The following KCNQ5 variants were observed in gnomAD, a reference collection of about 807,000 sequenced individuals.
KCNQ5 encodes potassium voltage-gated channel subfamily Q member 5.
Under a neutral mutation model 98.2 loss-of-function variants are expected in KCNQ5, and 30 were observed. The ratio of observed to expected loss-of-function variants is 0.31; its 90% CI spans 0.23 to 0.41. The LOEUF (loss-of-function observed/expected upper bound fraction) is 0.41, where lower values mean the gene tolerates loss of function less well. KCNQ5 is among the 10% of genes least tolerant of loss of function. KCNQ5 has a pLI of 1.00. For missense variants in KCNQ5, 835 were observed against 1,182.5 expected (o/e 0.71, Z 4.31); for synonymous variants, 458 against 449.4 (o/e 1.02, Z -0.24).
intron 1 of KCNQ5, among the ~76,000 whole-genome samples, chr6:72,964,601 T>A (rs774515400): frequency 6.6e-6 from 1 of 152,176 alleles, no homozygotes; most frequent in Non-Finnish European, 1.5e-5. Flanking sequence ...AGCAATACCA[T>A]TCTTTGCTTT....
chr6:72,635,747 T>C lies in KCNQ5; in HGVS notation c.398+13160T>C, dbSNP rs2098923737. On this transcript the variant is annotated intron_variant, in intron 1 of 13. Coordinates refer to ENST00000370398, the MANE Select transcript of KCNQ5 (RefSeq NM_019842.4). ...GGAATGGTGTTTCTCCCCATTTCTTTGTACAAAATGTTGCTTTCTTTTCCT... is the reference window on the plus strand; with the variant it reads ...GGAATGGTGTTTCTCCCCATTTCTTCGTACAAAATGTTGCTTTCTTTTCCT... Among the ~76,000 whole-genome samples, 4 of 151,586 alleles carry C rather than the reference T, an allele frequency of 2.6e-5. No individual in the cohort carries two copies. The South Asian group carries it at 8.4e-4, about 32-fold the overall frequency.
At chr6:72,937,731 C>T (rs1181487529) in intron 1 of KCNQ5, among the ~76,000 whole-genome samples, 1 of 152,094 alleles carries the variant, frequency 6.6e-6, no homozygotes, top group Non-Finnish European at 1.5e-5. Flanking sequence ...TTTAAGTTCT[C>T]TGTTATTATG....
chr6:72,643,669 A>G (rs1188309190), intron 1 of KCNQ5, among the ~76,000 whole-genome samples: 2 of 152,174 alleles, frequency 1.3e-5, no homozygotes, highest in East Asian at 3.8e-4. Flanking sequence ...TGGAGAGGCC[A>G]AAACACTTCT....
At chr6:72,958,797 A>G (rs1277262106) in intron 1 of KCNQ5, among the ~76,000 whole-genome samples, 5 of 152,228 alleles carry the variant, frequency 3.3e-5, no homozygotes, top group Admixed American at 3.3e-4. Flanking sequence ...TTCAAAGTGC[A>G]ATACATTATC....
At chr6:72,998,825 C>T (rs1242314681) in intron 1 of KCNQ5, among the ~76,000 whole-genome samples, 1 of 150,142 alleles carries the variant, frequency 6.7e-6, no homozygotes, top group Non-Finnish European at 1.5e-5. Flanking sequence ...CCATGGAACA[C>T]TTACAGTCTG....
intron 1 of KCNQ5, among the ~76,000 whole-genome samples, chr6:72,843,547 G>A (rs537601873): frequency 2.0e-5 from 3 of 152,262 alleles, no homozygotes; most frequent in Admixed American, 6.5e-5. Context: ...GATGGGGATA[G>A]CATTGAATCT....
At chr6:72,917,549 T>G (rs1780206306) in intron 1 of KCNQ5, among the ~76,000 whole-genome samples, 1 of 151,994 alleles carries the variant, frequency 6.6e-6, no homozygotes, top group Non-Finnish European at 1.5e-5. Flanking sequence ...CTCGGCTCAC[T>G]GCAACCTCCA....
At chr6:72,886,017 A>G (rs1257657693) in intron 1 of KCNQ5, among the ~76,000 whole-genome samples, 1 of 152,152 alleles carries the variant, frequency 6.6e-6, no homozygotes, top group Non-Finnish European at 1.5e-5. Flanking sequence ...GCAAAAGAAA[A>G]TCATATCTGG....
chr6:72,895,114 T>TAAAAAAAA (rs71540357), intron 1 of KCNQ5, among the ~76,000 whole-genome samples: 1 of 89,268 alleles, frequency 1.1e-5, no homozygotes, highest in African/African-American at 4.5e-5. Context: ...CCATCTCTAC[T>TAAAAAAAA]AAAAAAAAAA....
intron 1 of KCNQ5, among the ~76,000 whole-genome samples, chr6:72,931,068 T>C (rs1765673209): frequency 6.6e-6 from 1 of 152,202 alleles, no homozygotes; most frequent in South Asian, 2.1e-4. Flanking sequence ...CAGTTTCATA[T>C]AATTAGATAT....
chr6:72,630,391 T>C (rs942491959), intron 1 of KCNQ5: 1 of 152,170 alleles, frequency 6.6e-6, no homozygotes, highest in South Asian at 2.1e-4. Context: ...GATAATCTAA[T>C]TATAATGTTA....
At chr6:72,690,382 T>A (rs1327465592) in intron 1 of KCNQ5, among the ~76,000 whole-genome samples, 1 of 152,210 alleles carries the variant, frequency 6.6e-6, no homozygotes, top group Non-Finnish European at 1.5e-5. Context: ...TTTTTTTACC[T>A]GCTTCTGAAT....
intron 1 of KCNQ5, among the ~76,000 whole-genome samples, chr6:72,951,795 AAGGG>A (rs1562089423): frequency 6.6e-6 from 1 of 152,214 alleles, no homozygotes; most frequent in Non-Finnish European, 1.5e-5. Flanking sequence ...TACTTAGAAC[AAGGG>A]CAAAGTTTAA....
chr6:72,689,213 C>CT (rs1246470470), intron 1 of KCNQ5, among the ~76,000 whole-genome samples: 1 of 152,178 alleles, frequency 6.6e-6, no homozygotes, highest in African/African-American at 2.4e-5. Flanking sequence ...ACCTGTGGTG[C>CT]TTTCAAGCGT....
intron 1 of KCNQ5, among the ~76,000 whole-genome samples, chr6:72,676,308 C>A (rs1035684454): frequency 1.5e-4 from 23 of 150,154 alleles, no homozygotes; most frequent in African/African-American, 5.6e-4. Context: ...CTTTCTCTCC[C>A]TTTTTCTTGG....
chr6:72,913,295 A>G (rs530089554), intron 1 of KCNQ5, among the ~76,000 whole-genome samples: 1 of 152,248 alleles, frequency 6.6e-6, no homozygotes, highest in East Asian at 1.9e-4. Context: ...TTGTGATAAA[A>G]TTACAGAAAT....
At chr6:72,999,773 C>A (rs1228223213) in intron 1 of KCNQ5, among the ~76,000 whole-genome samples, 1 of 152,168 alleles carries the variant, frequency 6.6e-6, no homozygotes, top group East Asian at 1.9e-4. Context: ...AAAACAACCC[C>A]TAGCAGTAGG....
intron 9 of KCNQ5, among the ~76,000 whole-genome samples, chr6:73,133,077 G>A (rs1776298658): frequency 6.6e-6 from 1 of 152,164 alleles, no homozygotes; most frequent in South Asian, 2.1e-4. Context: ...CAAAAGTTGA[G>A]GTTAAAGCTA....
At chr6:73,135,660 G>A (rs1776440888) in intron 10 of KCNQ5, 2 of 152,166 alleles carry the variant, frequency 1.3e-5, no homozygotes, top group Non-Finnish European at 2.9e-5. Flanking sequence ...TGCAGACATA[G>A]ACTATGTAAT....
Sources: allele counts gnomAD v4.1 joint callset (sites outside exome capture counted in the v4.1 genomes callset), GRCh38; gene constraint gnomAD v4.1.1; transcripts MANE v1.5; gene names NCBI Gene and HGNC (gene_info 2026-07-23, HGNC 2026-07-21).